SPTB: variants seen among roughly 807,000 people sequenced by gnomAD.
SPTB encodes the protein spectrin beta chain, erythrocytic.
A neutral mutation model predicts 256.2 loss-of-function variants in SPTB; 45 were observed. The observed-to-expected ratio is 0.18, with a 90% CI of 0.14 to 0.23. SPTB has a LOEUF of 0.23. SPTB is among the 10% of genes least tolerant of loss of function. The pLI is 1.00. For synonymous variants in SPTB, 1,231 were observed against 1,243.1 expected (o/e 0.99, Z 0.21); for missense variants, 2,715 against 3,040.4 (o/e 0.89, Z 2.52).
rs927800559 is a variant in SPTB at position 64,853,823 on chromosome 14, C to T, written c.-52+25969G>A. 1.3e-5 allele frequency among the ~76,000 whole-genome samples: 2 copies of T among 152,198 alleles called. No individual in the cohort carries two copies. The highest frequency in any genetic ancestry group is 4.8e-5 in the African/African-American group (2 of 41,438). ...GTGTCTACTGGCCTAGGATCTCACA[C>T]ATATCAGGAGCTTAGTAAAATTTAA... On this transcript the variant is annotated intron_variant, in intron 1 of 35. Transcript: ENST00000644917. This position sits in a 1 kb window ranked among gnomAD's most constrained non-coding sequence, Gnocchi z 4.3.
intron 32 of SPTB, among the ~76,000 whole-genome samples, chr14:64,763,342 G>A (rs139540388): frequency 6.6e-5 from 10 of 152,364 alleles, no homozygotes; most frequent in Admixed American, 4.6e-4. Flanking sequence ...TGTCCTTACC[G>A]TAGCAGAGGT....
chr14:64,795,560 T>G lies in SPTB; in HGVS notation c.1421A>C (p.Tyr474Ser). The change falls in exon 12 of 36, where the codon TAC (tyrosine) becomes TCC (serine). Residue 474 changes from tyrosine (Y) to serine (S), a missense_variant. Coordinates refer to ENST00000644917, the MANE Select transcript of SPTB (RefSeq NM_001355436.2). This position sits in a 1 kb window ranked among gnomAD's most constrained non-coding sequence, Gnocchi z 6.5. ...CTCCAGGGCTCTCACCCGCTCCTCGTAGGCAGCCGTGTCGGTCTCGATGGC... is the reference window on the plus strand; with the variant it reads ...CTCCAGGGCTCTCACCCGCTCCTCGGAGGCAGCCGTGTCGGTCTCGATGGC... ...HEAIETDTAAYEERVRALEDL... is the reference protein window; with the variant it reads ...HEAIETDTAASEERVRALEDL... The G allele has an allele frequency of 6.2e-7, 1 of 1,614,172 alleles. No individual in the cohort carries two copies. Among genetic ancestry groups the G allele is most frequent in the Non-Finnish European group, 8.5e-7 (1 of 1,180,028 alleles).
At chr14:64,765,816 GTGTGAGTGTGTGTGTGTGT>G (rs2082162805) in intron 32 of SPTB, among the ~76,000 whole-genome samples, 4 of 143,830 alleles carry the variant, frequency 2.8e-5, no homozygotes, top group African/African-American at 8.3e-5. Flanking sequence ...GTGTGTGTGT[GTGTGAGTGTGTGTGTGTGT>G]GGGGGTGTGG....
chr14:64,801,607 A>G (rs2082887587), intron 6 of SPTB, 147 bp downstream of exon 6: 1 of 948,424 alleles, frequency 1.1e-6, no homozygotes. Flanking sequence ...GATTTAAGGA[A>G]AGTGAAGGTG....
chr14:64,818,693 A>G (rs1189872341), intron 2 of SPTB, among the ~76,000 whole-genome samples: 1 of 152,140 alleles, frequency 6.6e-6, no homozygotes, highest in Non-Finnish European at 1.5e-5. Context: ...TTCTTCATCC[A>G]GACGGCCACA....
chr14:64,828,808 G>T (rs1447748095), intron 1 of SPTB, among the ~76,000 whole-genome samples: 1 of 152,200 alleles, frequency 6.6e-6, no homozygotes, highest in African/African-American at 2.4e-5. Flanking sequence ...AATATCTATA[G>T]TAACTTCTCA....
At chr14:64,822,361 C>A (rs1477185362) in intron 2 of SPTB, among the ~76,000 whole-genome samples, 3 of 97,044 alleles carry the variant, frequency 3.1e-5, no homozygotes, top group African/African-American at 1.2e-4. Context: ...TTCTCTCTCT[C>A]TCTCTCTCTC....
Position 64,807,165 on chromosome 14 carries a change from C to A in SPTB, c.149-2075G>T, listed in dbSNP as rs924687137. On this transcript the variant is annotated intron_variant, in intron 2 of 35. Coordinates refer to ENST00000644917, the MANE Select transcript of SPTB (RefSeq NM_001355436.2). The surrounding 1 kb of genome is among the most constrained non-coding windows in gnomAD (Gnocchi z 4.7). ...TCTTTAAGTAGCTAACCCTTCAGGT[C>A]AGGTGTGGAGCCTCTGACTAAGGGG... Among the ~76,000 whole-genome samples, 1 of 152,234 alleles carries A rather than the reference C, an allele frequency of 6.6e-6. No individual in the cohort carries two copies. Among genetic ancestry groups the A allele is most frequent in the African/African-American group, 2.4e-5 (1 of 41,470 alleles).
At chr14:64,804,348 C>G (rs1021243609) in intron 3 of SPTB, among the ~76,000 whole-genome samples, 2 of 152,190 alleles carry the variant, frequency 1.3e-5, no homozygotes, top group Non-Finnish European at 2.9e-5. Context: ...CTCTGAGGAT[C>G]TCAGAATAAC....
intron 2 of SPTB, among the ~76,000 whole-genome samples, chr14:64,820,812 A>T (rs1010457918): frequency 6.6e-6 from 1 of 150,864 alleles, no homozygotes; most frequent in Non-Finnish European, 1.5e-5. Context: ...CTGGGATTAC[A>T]GGCATGCACC....
chr14:64,804,478 C>T (rs2082945795), intron 3 of SPTB, among the ~76,000 whole-genome samples: 1 of 152,182 alleles, frequency 6.6e-6, no homozygotes, highest in South Asian at 2.1e-4. Flanking sequence ...AAACATAAAC[C>T]TTCATCTACT....
Position 64,801,398 on chromosome 14 carries a change from G to C in SPTB, c.650C>G (p.Pro217Arg). ...CAGCTTATCAAAGTCGATCAGGTCG[G>C]GCCTGGGGACAAAACTGGACTGTGA... The part of the protein sequence containing the change: ...AFNALIHKHR[P>R]DLIDFDKLKD... The change falls in exon 7 of 36, where the codon CCC (proline) becomes CGC (arginine). Residue 217 changes from proline (P) to arginine (R), a missense_variant and splice_region_variant. By Grantham distance (103) the Pro-to-Arg change is moderately radical. Around this residue, in one of 4 missense-constraint regions of SPTB, gnomAD observed 416 missense variants for 571.1 expected, o/e 0.73. Coordinates refer to ENST00000644917, the MANE Select transcript of SPTB (RefSeq NM_001355436.2). The C allele has an allele frequency of 6.2e-7, 1 of 1,613,416 alleles. No individual in the cohort carries two copies. The highest frequency in any genetic ancestry group is 8.5e-7 in the Non-Finnish European group (1 of 1,179,356).
rs2139830197 is a variant in SPTB at position 64,873,673 on chromosome 14, CT to C, written c.-52+6118del. Among the ~76,000 whole-genome samples, 1 of 152,162 alleles carries C rather than the reference CT, an allele frequency of 6.6e-6. No homozygotes were observed. The highest frequency in any genetic ancestry group is 2.1e-4 in the South Asian group (1 of 4,824). On this transcript the variant is annotated intron_variant, in intron 1 of 35. Coordinates refer to ENST00000644917, the MANE Select transcript of SPTB (RefSeq NM_001355436.2). The surrounding 1 kb of genome is among the most constrained non-coding windows in gnomAD (Gnocchi z 4.3). ...CAATGAACTTATGTGGAATATTCTG[CT>C]GAAGAAAAAAAGCAACCGCGGTCTC... is the stretch of plus-strand genomic sequence containing the variant.
chr14:64,805,881 A>G (rs568738738), intron 2 of SPTB, among the ~76,000 whole-genome samples: 9 of 152,274 alleles, frequency 5.9e-5, no homozygotes, highest in African/African-American at 2.2e-4. Flanking sequence ...AGGATAATGA[A>G]GGTTTGGGCT....
intron 1 of SPTB, among the ~76,000 whole-genome samples, chr14:64,850,842 A>T (rs1425190759): frequency 6.6e-6 from 1 of 152,162 alleles, no homozygotes; most frequent in Non-Finnish European, 1.5e-5. Flanking sequence ...AAGTATAGTG[A>T]CAGCCAGAGT....
intron 32 of SPTB, among the ~76,000 whole-genome samples, chr14:64,757,886 C>A (rs757329906): frequency 6.6e-6 from 1 of 152,186 alleles, no homozygotes; most frequent in Non-Finnish European, 1.5e-5. Context: ...ACGGAGCTGG[C>A]CCCTTCCCTC....
intron 1 of SPTB, among the ~76,000 whole-genome samples, chr14:64,878,196 T>C (rs763925626): frequency 3.9e-5 from 6 of 152,176 alleles, no homozygotes; most frequent in Non-Finnish European, 5.9e-5. Context: ...CTTTCAATGG[T>C]GCTTTACTCT....
rs1471573667 is a variant in SPTB, at chr14:64,764,032, T to C, written c.6345+2694A>G. 6.6e-6 allele frequency among the ~76,000 whole-genome samples: 1 copy of C among 152,156 alleles called. No individual in the cohort carries two copies. The highest frequency in any genetic ancestry group is 1.9e-4 in the East Asian group (1 of 5,188). ...GAAGCCGACATGCACAGTGAGGGAT[T>C]GTACATGAAGCAACACCGCATGGAT... On this transcript the variant is annotated intron_variant, in intron 32 of 35. Transcript: ENST00000644917. This position sits in a 1 kb window ranked among gnomAD's most constrained non-coding sequence, Gnocchi z 4.2.
chr14:64,779,656 CA>C lies in SPTB; in HGVS notation c.4473+68del. ...TACTGCCAAAAATTGCTCTGGGTGGCAGCCAGCTACTCTGATGGCAGCTGGT... is the reference window on the plus strand; with the variant it reads ...TACTGCCAAAAATTGCTCTGGGTGGCGCCAGCTACTCTGATGGCAGCTGGT... On this transcript the variant is annotated intron_variant, in intron 21 of 35. Coordinates refer to ENST00000644917, the MANE Select transcript of SPTB (RefSeq NM_001355436.2). The surrounding 1 kb of genome is among the most constrained non-coding windows in gnomAD (Gnocchi z 4.2). 6.3e-7 allele frequency: 1 copy of C among 1,591,810 alleles called. No homozygotes were observed. The highest frequency in any genetic ancestry group is 8.6e-7 in the Non-Finnish European group (1 of 1,161,236).
Sources: allele counts gnomAD v4.1 joint callset (sites outside exome capture counted in the v4.1 genomes callset), GRCh38; gene constraint gnomAD v4.1.1; regional missense constraint gnomAD v4.1.1; non-coding constraint Gnocchi (gnomAD v3.1); transcripts MANE v1.5; gene names NCBI Gene and HGNC (gene_info 2026-07-23, HGNC 2026-07-21).